Variants in SNTG1 observed in about 807,000 individuals in gnomAD.
SNTG1 encodes the protein gamma-1-syntrophin.
In SNTG1, 39 loss-of-function variants were observed where a neutral mutation model predicts 74.7. The ratio of observed to expected loss-of-function variants is 0.52; its 90% CI spans 0.40 to 0.68. SNTG1 has a LOEUF of 0.68. Among genes scored for constraint, SNTG1 ranks in the 30% least tolerant of loss-of-function variants. SNTG1 has a pLI of 0.00. For synonymous variants in SNTG1, 254 were observed against 217.1 expected, an observed-to-expected ratio of 1.17 and a Z score of -1.49; for missense variants, 685 against 609.5, an observed-to-expected ratio of 1.12 and a Z score of -1.30.
intron 1 of SNTG1, among the ~76,000 whole-genome samples, chr8:50,071,646 T>A (rs949555784): frequency 1.2e-4 from 18 of 151,878 alleles, no homozygotes; most frequent in African/African-American, 4.4e-4. Context: ...GCCCAGCTAA[T>A]TTTGTATTTT....
chr8:50,123,996 A>C lies in SNTG1; in HGVS notation c.-102-48565A>C, dbSNP rs2081069487. 2.1e-5 allele frequency among the ~76,000 whole-genome samples: 3 copies of C among 142,676 alleles called. 1 individual carries two copies. 93.6% of individuals were successfully genotyped at this position (142,676 alleles called of 152,430 possible). A position where few individuals can be genotyped will look rare whatever the true frequency, so the allele number is the denominator to read the frequency against. ...TTATTAGAACAACAACTAAAACAAC[A>C]AAATCCTTCAGTCAGGATCTGAACT... On this transcript the variant is annotated intron_variant, in intron 1 of 18. Coordinates refer to ENST00000642720, the MANE Select transcript of SNTG1 (RefSeq NM_018967.5).
chr8:50,710,224 T>A (rs1490460190), intron 17 of SNTG1, among the ~76,000 whole-genome samples: 1 of 152,168 alleles, frequency 6.6e-6, no homozygotes, highest in East Asian at 1.9e-4. Flanking sequence ...TCTAATGTGT[T>A]GCCTTCACAT....
intron 15 of SNTG1, among the ~76,000 whole-genome samples, chr8:50,668,348 G>C (rs927110883): frequency 2.0e-5 from 3 of 150,854 alleles, no homozygotes; most frequent in Non-Finnish European, 4.4e-5. Flanking sequence ...TTCAAAATTT[G>C]TTTCATTGAC....
chr8:50,693,146 G>A lies in SNTG1; in HGVS notation c.1039-11454G>A, dbSNP rs538541573. On this transcript the variant is annotated intron_variant, in intron 15 of 18. Coordinates refer to ENST00000642720, the MANE Select transcript of SNTG1 (RefSeq NM_018967.5). ...GGAGTGACCCAATTTTCCAGGTGCC[G>A]TCTGTCACCCCTTTCTTTGACTAGG... Among the ~76,000 whole-genome samples, 33 of 152,228 alleles carry A rather than the reference G, an allele frequency of 2.2e-4. 1 individual carries two copies. In the South Asian group the frequency reaches 3.9e-3, roughly 18 times the overall value.
intron 15 of SNTG1, among the ~76,000 whole-genome samples, chr8:50,676,088 A>T (rs2095308581): frequency 2.0e-5 from 3 of 151,908 alleles, no homozygotes; most frequent in Non-Finnish European, 4.4e-5. Flanking sequence ...TCAACCTTGG[A>T]AAATCTAATG....
At chr8:50,103,525 C>G (rs946557332) in intron 1 of SNTG1, among the ~76,000 whole-genome samples, 1 of 152,168 alleles carries the variant, frequency 6.6e-6, no homozygotes. Context: ...ATTTGACTTC[C>G]TCTTTTCGTA....
At chr8:50,677,585 T>C (rs929125335) in intron 15 of SNTG1, among the ~76,000 whole-genome samples, 5 of 152,030 alleles carry the variant, frequency 3.3e-5, no homozygotes, top group African/African-American at 4.8e-5. Context: ...TTTGTTTAGA[T>C]TTCTGTTTAC....
chr8:50,460,930 A>G (rs189176550), intron 8 of SNTG1, among the ~76,000 whole-genome samples: 24 of 152,278 alleles, frequency 1.6e-4, no homozygotes, highest in Admixed American at 7.9e-4. Flanking sequence ...TTATGAAATT[A>G]TTACTAATAT....
At chr8:50,492,420 A>G (rs2093865339) in intron 8 of SNTG1, among the ~76,000 whole-genome samples, 1 of 152,104 alleles carries the variant, frequency 6.6e-6, no homozygotes, top group Non-Finnish European at 1.5e-5. Context: ...TGAATTTTTT[A>G]GTGATTGCTA....
intron 2 of SNTG1, among the ~76,000 whole-genome samples, chr8:50,211,679 G>A (rs1253662915): frequency 2.0e-5 from 3 of 151,988 alleles, no homozygotes; most frequent in Non-Finnish European, 2.9e-5. Context: ...AAGATTCCAC[G>A]TCTTATTTTT....
chr8:50,445,873 A>T lies in SNTG1; in HGVS notation c.220-3795A>T, dbSNP rs1346754595. Among the ~76,000 whole-genome samples the T allele has an allele frequency of 3.9e-5, 6 of 152,306 alleles. No individual in the cohort carries two copies. The South Asian group carries it at 1.2e-3, about 32-fold the overall frequency. On this transcript the variant is annotated intron_variant, in intron 5 of 18. Coordinates refer to ENST00000642720, the MANE Select transcript of SNTG1 (RefSeq NM_018967.5). ...TTTGATCAAATTGTTACCAGAATAA[A>T]TGTAAATCACAGGCATGATCCAGTG...
chr8:50,746,177 G>C (rs1341487752), intron 17 of SNTG1, among the ~76,000 whole-genome samples: 2 of 151,874 alleles, frequency 1.3e-5, no homozygotes, highest in Non-Finnish European at 2.9e-5. Flanking sequence ...AATTTTGACT[G>C]TTCTTATACA....
intron 1 of SNTG1, among the ~76,000 whole-genome samples, chr8:50,130,807 CAG>C (rs1433258705): frequency 1.3e-5 from 2 of 151,942 alleles, no homozygotes; most frequent in African/African-American, 4.8e-5. Flanking sequence ...CTACATAAAA[CAG>C]AAGCAAATTT....
At chr8:50,625,761 T>C (rs776906197) in intron 13 of SNTG1, among the ~76,000 whole-genome samples, 1 of 152,226 alleles carries the variant, frequency 6.6e-6, no homozygotes, top group Admixed American at 6.5e-5. Context: ...CCCAACTTTG[T>C]AGCAAGGCAG....
chr8:50,257,070 G>C (rs73676290), intron 2 of SNTG1, among the ~76,000 whole-genome samples: 5,690 of 151,756 alleles, frequency 0.037, 279 homozygotes, highest in South Asian at 0.16. Flanking sequence ...CCACCAGCAT[G>C]AAGCACCCCC....
At chr8:50,173,898 G>T (rs1284607125) in intron 2 of SNTG1, among the ~76,000 whole-genome samples, 5 of 152,146 alleles carry the variant, frequency 3.3e-5, no homozygotes, top group Non-Finnish European at 5.9e-5. Context: ...GTATACATGT[G>T]CCATGGTGGT....
At position 49,985,249 on chromosome 8, in the gene SNTG1, G is replaced by A. The variant is rs538052538; in HGVS notation, c.-103+73018G>A. On this transcript the variant is annotated intron_variant, in intron 1 of 18. Coordinates refer to ENST00000642720, the MANE Select transcript of SNTG1 (RefSeq NM_018967.5). The stretch of plus-strand genomic sequence containing the variant: ...TGTAGTGGCACGATCTCCACTCACT[G>A]CCACCTCTGCCTCCTGAGTAGCTGG... Among the ~76,000 whole-genome samples the A allele has an allele frequency of 1.2e-3, 179 of 152,168 alleles. 2 individuals are homozygous for A. The highest frequency in any genetic ancestry group is 4.1e-3 in the African/African-American group (170 of 41,524).
chr8:50,692,073 C>A (rs762372764), intron 15 of SNTG1, among the ~76,000 whole-genome samples: 1 of 152,044 alleles, frequency 6.6e-6, no homozygotes, highest in Non-Finnish European at 1.5e-5. Context: ...TGTCACGTAG[C>A]TCTCATGCCT....
chr8:50,263,744 T>G, intron 2 of SNTG1, among the ~76,000 whole-genome samples: 1 of 152,136 alleles, frequency 6.6e-6, no homozygotes, highest in East Asian at 1.9e-4. Flanking sequence ...ACTAGACAAT[T>G]TCACAATAGT....
Sources: allele counts gnomAD v4.1 joint callset (sites outside exome capture counted in the v4.1 genomes callset), GRCh38; gene constraint gnomAD v4.1.1; transcripts MANE v1.5; gene names NCBI Gene and HGNC (gene_info 2026-07-23, HGNC 2026-07-21).